CYP2A6: variants seen among roughly 807,000 people sequenced by gnomAD.
The protein encoded by CYP2A6 is cytochrome P450 2A6.
A neutral mutation model predicts 42.3 loss-of-function variants in CYP2A6; 27 were observed. The ratio of observed to expected loss-of-function variants is 0.64; its 90% CI spans 0.47 to 0.88. The LOEUF is 0.88. Ranked by LOEUF, CYP2A6 falls within the 40% of genes least tolerant of loss-of-function variation. The pLI is 0.00. For synonymous variants in CYP2A6, 238 were observed against 246.3 expected (o/e 0.97, Z 0.31); for missense variants, 628 against 646.0 (o/e 0.97, Z 0.30).
In CYP2A6 at chr19:40,848,731, G is replaced by C; in HGVS notation, c.376C>G (p.Gln126Glu). 6.2e-7 allele frequency: 1 copy of C among 1,611,708 alleles called. No homozygotes were observed. The highest frequency in any genetic ancestry group is 1.1e-5 in the South Asian group (1 of 90,904). The change falls in exon 3 of 9, where the codon CAG (glutamine) becomes GAG (glutamate). Residue 126 changes from glutamine to glutamate, a missense_variant. By Grantham distance (29) the Gln-to-Glu change is conservative. Transcript: ENST00000301141. ...VVFSNGERAK[Q>E]LRRFSIATLR... Reference sequence around the variant, plus strand: ...GTGGCGATGGAGAAGCGCCGGAGCTGCTTGGCGCGCTCCCCGTTGCTGAAT... The same window carrying C: ...GTGGCGATGGAGAAGCGCCGGAGCTCCTTGGCGCGCTCCCCGTTGCTGAAT...
chr19:40,847,596 C>G (rs1322872187), intron 4 of CYP2A6, among the ~76,000 whole-genome samples: 1 of 151,508 alleles, frequency 6.6e-6, no homozygotes, highest in Non-Finnish European at 1.5e-5. Flanking sequence ...GCACTGGGAG[C>G]ACCTCTGTAA....
At position 40,846,099 on chromosome 19, in the gene CYP2A6, T is replaced by G. The variant is rs775978924; in HGVS notation, c.832-2A>C. ...CTCCGTGTTGGGGTTCTTCTCCTCC[T>G]GCAGGGAGAGGGGGCTTTAGGCCAA... On this transcript the variant is annotated splice_acceptor_variant, in intron 5 of 8. Transcript: ENST00000301141. LOFTEE classifies it high-confidence loss of function. 2.0e-5 allele frequency: 32 copies of G among 1,611,280 alleles called. No homozygotes were observed. The highest frequency in any genetic ancestry group is 2.7e-5 in the Non-Finnish European group (32 of 1,179,774).
rs56048590 is a variant in CYP2A6, at chr19:40,845,746, A to C, written c.973+210T>G. 6.9e-3 allele frequency among the ~76,000 whole-genome samples: 1,039 copies of C among 151,554 alleles called. 38 individuals carry two copies. The highest frequency in any genetic ancestry group is 0.024 in the African/African-American group (979 of 41,246). On this transcript the variant is annotated intron_variant, in intron 6 of 8. Transcript: ENST00000301141. ...AGTGGGCACTCAGTGGGCTTGGGAC[A>C]GAAGTGACTGACCAATCAGTGCAGA...
rs1253222683 is a variant in CYP2A6 at position 40,850,111 on chromosome 19, CCTGT to C, written c.180+132_181-132del. The C allele has an allele frequency of 2.0e-6, 3 of 1,529,328 alleles. No homozygotes were observed. In the Admixed American group the frequency reaches 6.0e-5, roughly 31 times the overall value. The allele number at this position is 1,529,328 out of a possible 1,614,324, so 94.7% of individuals were successfully genotyped here. Reference sequence around the variant, plus strand: ...GTCAGGGAGCTGGACATCCCAAGATCCTGTCTTTCTGATGCTGAAACTCCAAAAC... The same window carrying C: ...GTCAGGGAGCTGGACATCCCAAGATCCTTTCTGATGCTGAAACTCCAAAAC... On this transcript the variant is annotated intron_variant, in intron 1 of 8. Transcript: ENST00000301141.
At chr19:40,846,593 C>T (rs1967103132) in intron 5 of CYP2A6, among the ~76,000 whole-genome samples, 1 of 151,340 alleles carries the variant, frequency 6.6e-6, no homozygotes. Flanking sequence ...CTCTGCCCCC[C>T]TTCGCGCCAC....
At chr19:40,848,862 G>C (rs887008574) in intron 2 of CYP2A6, 99 bp from the exon 3 acceptor site, 2 of 1,440,378 alleles carry the variant, frequency 1.4e-6, no homozygotes, top group African/African-American at 2.9e-5. Context: ...GAGAGAGGGA[G>C]TAGGGTGGGA....
rs188681749 is a variant in CYP2A6, at chr19:40,849,480, C to G, written c.343+338G>C. Among the ~76,000 whole-genome samples the G allele has an allele frequency of 2.8e-3, 427 of 151,078 alleles. 3 individuals carry two copies. Among genetic ancestry groups the G allele is most frequent in the Non-Finnish European group, 4.0e-3 (269 of 67,906 alleles). The stretch of plus-strand genomic sequence containing the variant: ...TGAGAAACACAGAGAAGCCCAGAAG[C>G]TAAGAGGGACAAAAAGACAAATGAA... On this transcript the variant is annotated intron_variant, in intron 2 of 8. Transcript: ENST00000301141.
In CYP2A6 at chr19:40,846,932, C is replaced by A. The variant is rs372458720; in HGVS notation, c.774G>T (p.Thr258=). Residue 258 remains threonine, a synonymous_variant, in exon 5 of 9, where the codon ACG becomes ACT. Coordinates refer to ENST00000301141, the MANE Select transcript of CYP2A6 (RefSeq NM_000762.6). ...IAKKVEHNQR[T]LDPNSPRDFI... ...AGTCCCGTGGGGAATTGGGATCCAG[C>A]GTGCGCTGGTTGTGCTCCACCTTCT... is the stretch of plus-strand genomic sequence containing the variant. The A allele has an allele frequency of 1.1e-5, 18 of 1,611,986 alleles. No homozygotes were observed. Among genetic ancestry groups the A allele is most frequent in the Middle Eastern group, 3.3e-4 (2 of 6,082 alleles).
Position 40,848,385 on chromosome 19 carries a change from G to A in CYP2A6, c.494-6C>T, listed in dbSNP as rs776826067. On this transcript the variant is annotated splice_region_variant and splice_polypyrimidine_tract_variant and intron_variant, in intron 3 of 8. Coordinates refer to ENST00000301141, the MANE Select transcript of CYP2A6 (RefSeq NM_000762.6). Reference sequence around the variant, plus strand: ...GGTGGGATCGATATTGGCGCCTGCGGGTATGGCGGGAGAAGGGGGTTGGGG... The same window carrying A: ...GGTGGGATCGATATTGGCGCCTGCGAGTATGGCGGGAGAAGGGGGTTGGGG... The A allele has an allele frequency of 7.4e-6, 12 of 1,611,866 alleles. 1 individual carries two copies. Among genetic ancestry groups the A allele is most frequent in the Admixed American group, 3.3e-5 (2 of 59,982 alleles).
In CYP2A6 at chr19:40,846,013, C is replaced by T. The variant is rs372113929; in HGVS notation, c.916G>A (p.Val306Ile). 46 of 1,611,342 alleles carry T rather than the reference C, an allele frequency of 2.9e-5. 2 individuals carry two copies. Among genetic ancestry groups the T allele is most frequent in the African/African-American group, 2.6e-4 (19 of 74,482 alleles). ...AAGCCATAGCGCAGGGTGGTGCTGA[C>T]GGTCTCGGTGCCCCCAATGAAGAGG... ...LNLFIGGTETVSTTLRYGFLL... is the reference protein window; with the variant it reads ...LNLFIGGTETISTTLRYGFLL... Residue 306 changes from valine (V) to isoleucine (I), a missense_variant, in exon 6 of 9, where the codon GTC becomes ATC. Physicochemically the swap from Val to Ile is conservative, Grantham distance 29. Coordinates refer to ENST00000301141, the MANE Select transcript of CYP2A6 (RefSeq NM_000762.6).
chr19:40,844,495 T>C, intron 8 of CYP2A6, 136 bp downstream of exon 8: 1 of 1,466,358 alleles, frequency 6.8e-7, no homozygotes, highest in Non-Finnish European at 9.4e-7. Flanking sequence ...AAGTATCAGC[T>C]GCTGGCTCAA....
chr19:40,848,977 A>AGGG (rs1491511682), intron 2 of CYP2A6, among the ~76,000 whole-genome samples: 41 of 73,692 alleles, frequency 5.6e-4, no homozygotes, highest in African/African-American at 9.3e-4. Flanking sequence ...AGAGAGAGAG[A>AGGG]AGAGAGAGAG....
rs778057441 is a variant in CYP2A6, at chr19:40,848,623, C to A, written c.484G>T (p.Gly162Cys). 3 of 1,610,764 alleles carry A rather than the reference C, an allele frequency of 1.9e-6. No individual in the cohort carries two copies. Among genetic ancestry groups the A allele is most frequent in the Non-Finnish European group, 2.5e-6 (3 of 1,179,448 alleles). The stretch of plus-strand genomic sequence containing the variant: ...GGGGTCCCCTGCTCACCGCCAGTGC[C>A]CCGGAGGGCGTCGATGAGGAAGCCC... ...EAGFLIDALR[G>C]TGGANIDPTF... The change falls in exon 3 of 9, where the codon GGC becomes TGC. Residue 162 changes from glycine (G) to cysteine (C), a missense_variant. Physicochemically the swap from Gly to Cys is radical, Grantham distance 159. Around this residue, in one of 2 missense-constraint regions of CYP2A6, gnomAD observed 606 missense variants for 568.1 expected, o/e 1.07. Coordinates refer to ENST00000301141, the MANE Select transcript of CYP2A6 (RefSeq NM_000762.6).
At chr19:40,844,506 G>C in intron 8 of CYP2A6, 125 bp downstream of exon 8, 1 of 1,534,418 alleles carries the variant, frequency 6.5e-7, no homozygotes, top group South Asian at 1.1e-5. Flanking sequence ...GCTGGCTCAA[G>C]GGTAGATTCT....
At chr19:40,845,272 G>T (rs781286490) in intron 7 of CYP2A6, 22 bp downstream of exon 7, 2 of 1,610,832 alleles carry the variant, frequency 1.2e-6, no homozygotes, top group South Asian at 2.2e-5. Context: ...CCCGTAGTCT[G>T]GGGGGTGGGG....
rs1137115 is a variant in CYP2A6, at chr19:40,850,376, T to C, written c.51A>G (p.Val17=). 0.74 allele frequency: 1,198,375 copies of C among 1,609,596 alleles called. 456,122 individuals are homozygous for C. Among genetic ancestry groups the C allele is most frequent in the East Asian group, 0.8 (34,683 of 43,298 alleles). ...LLVALLVCLT[V]MVLMSVWQQR... ...GCTGCCAAACAGACATCAAGACCAT[T>C]ACAGTCAGGCAGACCAGCAAGGCCA... Residue 17 remains valine (V), a synonymous_variant, in exon 1 of 9, where the codon GTA becomes GTG. Transcript: ENST00000301141.
At chr19:40,846,207 A>G (rs1967097476) in intron 5 of CYP2A6, 110 bp from the exon 6 acceptor site, 1 of 1,468,336 alleles carries the variant, frequency 6.8e-7, no homozygotes, top group South Asian at 1.3e-5. Flanking sequence ...AGGTGGAAAG[A>G]GGGACCCTAG....
In CYP2A6 at chr19:40,845,458, T is replaced by A. The variant is rs61605570; in HGVS notation, c.997A>T (p.Arg333Ter). ...GGCTGCCGGTTCTTGCCGATCACTC[T>A]GTCAATCTCCTCATGGACCTTGGCT... The part of the protein sequence containing the change: ...VEAKVHEEID[R>*]VIGKNRQPKF... Residue 333 changes from arginine to a stop codon, truncating the protein, a stop_gained, in exon 7 of 9, where the codon AGA becomes TGA. Coordinates refer to ENST00000301141, the MANE Select transcript of CYP2A6 (RefSeq NM_000762.6). LOFTEE classifies it high-confidence loss of function. The A allele has an allele frequency of 9.4e-5, 152 of 1,611,834 alleles. 2 individuals are homozygous for A. The African/African-American group carries it at 1.9e-3, about 20-fold the overall frequency.
At chr19:40,846,731 G>A in intron 5 of CYP2A6, 144 bp downstream of exon 5, 1 of 1,308,688 alleles carries the variant, frequency 7.6e-7, no homozygotes, top group Non-Finnish European at 1.0e-6. Flanking sequence ...ATTACAGGCT[G>A]TTAGCCACGG....
Sources: gnomAD v4.1 joint callset for allele counts (sites outside exome capture counted in the v4.1 genomes callset) on GRCh38, gnomAD v4.1.1 for gene constraint, gnomAD v4.1.1 regional missense constraint, MANE v1.5 for transcripts, NCBI Gene and HGNC (gene_info 2026-07-23, HGNC 2026-07-21) for gene names.